The following HIKESHI variants were observed in gnomAD, a reference collection of about 807,000 sequenced individuals.
The protein encoded by HIKESHI is heat shock protein nuclear import factor hikeshi, also known as protein Hikeshi.
Under a neutral mutation model 25.7 loss-of-function variants are expected in HIKESHI, and 13 were observed. That is an observed-to-expected ratio of 0.51 (90% CI 0.33 to 0.80). The LOEUF (loss-of-function observed/expected upper bound fraction) is 0.80. HIKESHI is among the 30% of genes least tolerant of loss of function. The probability of loss-of-function intolerance (pLI) is 0.02; values close to 1 mark genes in which losing one functional copy is unlikely to be tolerated. For synonymous variants in HIKESHI, 76 were observed against 78.7 expected (o/e 0.97, Z 0.18); for missense variants, 174 against 229.5 (o/e 0.76, Z 1.56).
At chr11:86,321,913 A>T (rs191393386) in intron 2 of HIKESHI, among the ~76,000 whole-genome samples, 1 of 152,162 alleles carries the variant, frequency 6.6e-6, no homozygotes, top group Non-Finnish European at 1.5e-5. Context: ...AGTTTTAAGC[A>T]TTCTAATAGG....
chr11:86,321,566 G>A (rs968705326), intron 2 of HIKESHI, among the ~76,000 whole-genome samples: 1 of 151,296 alleles, frequency 6.6e-6, no homozygotes, highest in Non-Finnish European at 1.5e-5. Flanking sequence ...GTGTCACTCT[G>A]TTGCCCAGGC....
chr11:86,331,187 T>C (rs754288905), intron 2 of HIKESHI, among the ~76,000 whole-genome samples: 7 of 152,112 alleles, frequency 4.6e-5, no homozygotes, highest in Non-Finnish European at 8.8e-5. Flanking sequence ...CTAGAAAGGA[T>C]GTTAGAAATT....
chr11:86,339,939 C>G (rs912958890), intron 3 of HIKESHI, among the ~76,000 whole-genome samples: 1 of 150,978 alleles, frequency 6.6e-6, no homozygotes, highest in African/African-American at 2.4e-5. Flanking sequence ...TGTGATGTTC[C>G]CTGCCCTGTA....
intron 2 of HIKESHI, among the ~76,000 whole-genome samples, chr11:86,336,905 G>A (rs1199768943): frequency 6.6e-6 from 1 of 151,522 alleles, no homozygotes; most frequent in East Asian, 1.9e-4. Context: ...TAGTCTTCTA[G>A]ACGGTAGTGG....
chr11:86,335,879 T>C (rs1055670049), intron 2 of HIKESHI, among the ~76,000 whole-genome samples: 1 of 152,120 alleles, frequency 6.6e-6, no homozygotes, highest in Non-Finnish European at 1.5e-5. Context: ...CTACAAAAAA[T>C]TATGAAACAT....
In HIKESHI at chr11:86,325,275, C is replaced by G. The variant is rs765355819; in HGVS notation, c.269-12104C>G. Among the ~76,000 whole-genome samples, 7 of 152,178 alleles carry G rather than the reference C, an allele frequency of 4.6e-5. No homozygotes were observed. The South Asian group carries it at 1.0e-3, about 23-fold the overall frequency. On this transcript the variant is annotated intron_variant, in intron 2 of 4. Coordinates refer to ENST00000278483, the MANE Select transcript of HIKESHI (RefSeq NM_016401.4). ...ACAGATTTCTTAACTTCACACAGAA[C>G]AGTTTTTGTTGGAGAGGTCAAGAGA...
intron 3 of HIKESHI, among the ~76,000 whole-genome samples, chr11:86,342,934 A>C (rs1380300536): frequency 6.6e-6 from 1 of 152,158 alleles, no homozygotes; most frequent in African/African-American, 2.4e-5. Flanking sequence ...GTTGAGTTTC[A>C]TTAAATAGTA....
intron 2 of HIKESHI, among the ~76,000 whole-genome samples, chr11:86,308,392 T>C (rs981986441): frequency 7.0e-6 from 1 of 142,300 alleles, no homozygotes; most frequent in Non-Finnish European, 1.5e-5. Flanking sequence ...ATAAAAAATA[T>C]ATACACACAC....
intron 3 of HIKESHI, among the ~76,000 whole-genome samples, chr11:86,339,091 G>T (rs539648993): frequency 2.0e-5 from 3 of 152,106 alleles, no homozygotes; most frequent in Admixed American, 6.6e-5. Context: ...TGTCGCCCAG[G>T]CTGGAGTGCA....
chr11:86,340,142 G>A (rs1391803716), intron 3 of HIKESHI, among the ~76,000 whole-genome samples: 1 of 152,144 alleles, frequency 6.6e-6, no homozygotes, highest in African/African-American at 2.4e-5. Context: ...TCTTAATCCA[G>A]TCTATCATTG....
chr11:86,326,433 C>A, intron 2 of HIKESHI: 1 of 452,822 alleles, frequency 2.2e-6, no homozygotes, highest in Non-Finnish European at 4.4e-6. Context: ...AAGTTACTTT[C>A]GGCCTTTCTG....
At chr11:86,313,978 A>G (rs1171948246) in intron 2 of HIKESHI, among the ~76,000 whole-genome samples, 2 of 152,226 alleles carry the variant, frequency 1.3e-5, no homozygotes, top group East Asian at 1.9e-4. Context: ...AAAGATAGGC[A>G]TGGATTATGA....
At chr11:86,343,109 T>C (rs567396508) in intron 3 of HIKESHI, among the ~76,000 whole-genome samples, 171 of 152,186 alleles carry the variant, frequency 1.1e-3, no homozygotes, top group Non-Finnish European at 2.2e-3. Context: ...CCATTGAAAA[T>C]GGTATATATA....
chr11:86,327,088 G>A (rs762985219), intron 2 of HIKESHI, among the ~76,000 whole-genome samples: 6 of 151,964 alleles, frequency 3.9e-5, no homozygotes, highest in Non-Finnish European at 7.4e-5. Flanking sequence ...AAAACAAAAT[G>A]GTGTTTTGGG....
chr11:86,308,685 C>T (rs1226282098), intron 2 of HIKESHI, among the ~76,000 whole-genome samples: 1 of 151,798 alleles, frequency 6.6e-6, no homozygotes, highest in Non-Finnish European at 1.5e-5. Context: ...TCGTCATTTA[C>T]ATTAGGTATA....
chr11:86,308,327 CATATAAAATATATATT>C (rs1234188650), intron 2 of HIKESHI, among the ~76,000 whole-genome samples: 6 of 64,440 alleles, frequency 9.3e-5, no homozygotes, highest in South Asian at 1.1e-3. Context: ...ATATATATTA[CATATAAAATATATATT>C]ATATAAAATA....
chr11:86,317,381 TA>T (rs966691957), intron 2 of HIKESHI, among the ~76,000 whole-genome samples: 4 of 152,042 alleles, frequency 2.6e-5, no homozygotes, highest in East Asian at 1.9e-4. Context: ...TTAACATAAG[TA>T]TTCCAAAGAA....
At chr11:86,321,055 C>G (rs1947135559) in intron 2 of HIKESHI, among the ~76,000 whole-genome samples, 1 of 151,730 alleles carries the variant, frequency 6.6e-6, no homozygotes, top group South Asian at 2.1e-4. Context: ...CTGCCTCAGC[C>G]TCTTGAGTAG....
chr11:86,330,852 A>G (rs1275740057), intron 2 of HIKESHI, among the ~76,000 whole-genome samples: 1 of 152,216 alleles, frequency 6.6e-6, no homozygotes, highest in African/African-American at 2.4e-5. Flanking sequence ...AGAAAACTTG[A>G]TAGTCTTTTC....
Sources: gnomAD v4.1 joint callset for allele counts (sites outside exome capture counted in the v4.1 genomes callset) on GRCh38, gnomAD v4.1.1 for gene constraint, MANE v1.5 for transcripts, NCBI Gene and HGNC (gene_info 2026-07-23, HGNC 2026-07-21) for gene names.